The following COL4A1 variants were observed in gnomAD, a reference collection of about 807,000 sequenced individuals.
COL4A1 encodes the protein collagen type IV alpha 1 chain.
Under a neutral mutation model 216.6 loss-of-function variants are expected in COL4A1, and 40 were observed. The observed-to-expected ratio is 0.18, with a 90% CI of 0.14 to 0.24. The LOEUF (loss-of-function observed/expected upper bound fraction) is 0.24, where lower values mean the gene tolerates loss of function less well. Among genes scored for constraint, COL4A1 ranks in the 10% least tolerant of loss-of-function variants. COL4A1 has a pLI of 1.00. For missense variants in COL4A1, 1,628 were observed against 2,196.8 expected, an observed-to-expected ratio of 0.74 and a Z score of 5.18; for synonymous variants, 839 against 810.7, an observed-to-expected ratio of 1.03 and a Z score of -0.59.
Position 110,212,423 on chromosome 13 carries a change from G to A in COL4A1, c.381C>T (p.Gly127=), listed in dbSNP as rs781575935. The change falls in exon 6 of 52, where the codon GGC becomes GGT. Residue 127 remains glycine, a synonymous_variant. Transcript: ENST00000375820. ...PGPPGIPGCN[G]TKGERGPLGP... ...GTCTCGGTTCTGGATTTACCTTTGT[G>A]CCATTGCATCCTGGAATACCTGGGG... 54 of 1,613,580 alleles carry A rather than the reference G, an allele frequency of 3.3e-5. No individual in the cohort carries two copies. Among genetic ancestry groups the A allele is most frequent in the Non-Finnish European group, 4.6e-5 (54 of 1,180,018 alleles).
intron 43 of COL4A1, among the ~76,000 whole-genome samples, chr13:110,169,274 T>C (rs1877492011): frequency 6.6e-6 from 1 of 152,214 alleles, no homozygotes; most frequent in Non-Finnish European, 1.5e-5. Flanking sequence ...AATTGTTCTC[T>C]GCAAAACAAC....
intron 43 of COL4A1, among the ~76,000 whole-genome samples, chr13:110,169,054 C>T (rs1272424361): frequency 6.6e-6 from 1 of 152,152 alleles, no homozygotes; most frequent in African/African-American, 2.4e-5. Context: ...CACACACACA[C>T]ACAGAAATAC....
chr13:110,239,508 A>G (rs1291193836), intron 2 of COL4A1, among the ~76,000 whole-genome samples: 1 of 152,256 alleles, frequency 6.6e-6, no homozygotes, highest in Non-Finnish European at 1.5e-5. Flanking sequence ...TTTAAAGAAC[A>G]ACCAATCAAA....
At chr13:110,274,714 C>A (rs7330914) in intron 1 of COL4A1, among the ~76,000 whole-genome samples, 4,994 of 152,194 alleles carry the variant, frequency 0.033, 223 homozygotes, top group East Asian at 0.22. Flanking sequence ...GCACTGATAG[C>A]CACAGTATCC....
At chr13:110,158,015 C>T (rs1471024273) in intron 49 of COL4A1, among the ~76,000 whole-genome samples, 1 of 152,080 alleles carries the variant, frequency 6.6e-6, no homozygotes, top group African/African-American at 2.4e-5. Context: ...CTTTTTCTAC[C>T]TGTTGTGTAA....
In COL4A1 at chr13:110,198,484, C is replaced by G. The variant is rs1407940977; in HGVS notation, c.1268G>C (p.Gly423Ala). 6.2e-7 allele frequency: 1 copy of G among 1,613,294 alleles called. No individual in the cohort carries two copies. The highest frequency in any genetic ancestry group is 8.5e-7 in the Non-Finnish European group (1 of 1,179,522). ...PGPPGSPGPP[G>A]QPGYTNGIVE... ...GAACTCACTTGTGTAGCCAGGCTGC[C>G]CAGGGGGCCCAGGGGAACCAGGAGG... The change falls in exon 21 of 52, where the codon GGG becomes GCG. Residue 423 changes from glycine (G) to alanine (A), a missense_variant. Gly to Ala is a moderately conservative substitution (Grantham distance 60). This residue lies in a region of COL4A1 where 701 missense variants were observed against 892.5 expected (regional missense o/e 0.79). Transcript: ENST00000375820.
chr13:110,166,696 C>T (rs1401164377), intron 44 of COL4A1, among the ~76,000 whole-genome samples: 1 of 152,156 alleles, frequency 6.6e-6, no homozygotes, highest in Non-Finnish European at 1.5e-5. Context: ...AATGATCCAA[C>T]TAGTGGAGGG....
intron 51 of COL4A1, among the ~76,000 whole-genome samples, chr13:110,151,038 A>G (rs1876477068): frequency 6.6e-6 from 1 of 152,226 alleles, no homozygotes; most frequent in African/African-American, 2.4e-5. Flanking sequence ...GTGTTTCTCA[A>G]GCTTAGAAAC....
At chr13:110,182,624 C>A (rs1594556483) in intron 28 of COL4A1, among the ~76,000 whole-genome samples, 1 of 152,342 alleles carries the variant, frequency 6.6e-6, no homozygotes, top group Non-Finnish European at 1.5e-5. Context: ...CCCTGCGACT[C>A]CTTGCACCTC....
At chr13:110,193,138 G>A (rs1298685819) in intron 22 of COL4A1, among the ~76,000 whole-genome samples, 6 of 152,206 alleles carry the variant, frequency 3.9e-5, no homozygotes, top group Non-Finnish European at 5.9e-5. Context: ...CCCCCAGCAC[G>A]CGTCACGTGT....
intron 2 of COL4A1, among the ~76,000 whole-genome samples, chr13:110,221,649 G>A (rs1365560525): frequency 6.6e-6 from 1 of 152,210 alleles, no homozygotes; most frequent in Non-Finnish European, 1.5e-5. Context: ...CAGTAAAGCT[G>A]TGAGCAGCAG....
rs1594535896 is a variant in COL4A1, at chr13:110,161,521, TG to T, written c.4463-153del. On this transcript the variant is annotated intron_variant, in intron 48 of 51. Coordinates refer to ENST00000375820, the MANE Select transcript of COL4A1 (RefSeq NM_001845.6). ...TATAAAGGATTATGTAGGACATTTT[TG>T]ATGAAAGGAAACAAAACCAGTTTAC... The T allele has an allele frequency of 5.9e-6, 6 of 1,017,414 alleles. No homozygotes were observed. In the East Asian group the frequency reaches 1.6e-4, roughly 27 times the overall value. 63.0% of individuals were successfully genotyped at this position (1,017,414 alleles called of 1,614,324 possible). A position where few individuals can be genotyped will look rare whatever the true frequency, so the allele number is the denominator to read the frequency against.
intron 1 of COL4A1, among the ~76,000 whole-genome samples, chr13:110,295,925 G>A (rs537518998): frequency 3.3e-5 from 5 of 152,318 alleles, no homozygotes; most frequent in East Asian, 1.9e-4. Context: ...GCTTTCTAGC[G>A]GGGAGTGAGC....
Position 110,207,614 on chromosome 13 carries a change from T to C in COL4A1, c.694-125A>G. 1.4e-6 allele frequency: 1 copy of C among 736,142 alleles called. No homozygotes were observed. Among genetic ancestry groups the C allele is most frequent in the Admixed American group, 2.4e-5 (1 of 41,462 alleles). The allele number at this position is 736,142 out of a possible 1,614,324, so 45.6% of individuals were successfully genotyped here. A position where few individuals can be genotyped will look rare whatever the true frequency, so the allele number is the denominator to read the frequency against. On this transcript the variant is annotated intron_variant, in intron 12 of 51. Transcript: ENST00000375820. The surrounding 1 kb of genome is among the most constrained non-coding windows in gnomAD (Gnocchi z 4.4). Reference sequence around the variant, plus strand: ...TTTAAAATGTAATTATACTCTATTCTGTTCTAATCATCCTTGCCTCTGCAG... The same window carrying C: ...TTTAAAATGTAATTATACTCTATTCCGTTCTAATCATCCTTGCCTCTGCAG...
At chr13:110,177,451 T>A (rs887138350) in intron 33 of COL4A1, among the ~76,000 whole-genome samples, 2 of 152,222 alleles carry the variant, frequency 1.3e-5, no homozygotes, top group African/African-American at 4.8e-5. Flanking sequence ...GTAAAAGACA[T>A]TATTTTGGAA....
rs200260893 is a variant in COL4A1, at chr13:110,214,093, CTA to C, written c.145-80_145-79del. On this transcript the variant is annotated intron_variant, in intron 2 of 51. Coordinates refer to ENST00000375820, the MANE Select transcript of COL4A1 (RefSeq NM_001845.6). Reference sequence around the variant, plus strand: ...AGGAATTGGTGACCAACTGTGATGGCTATATATATATTTTTTTTGAGATGGAG... The same window carrying C: ...AGGAATTGGTGACCAACTGTGATGGCTATATATATTTTTTTTGAGATGGAG... 31 of 1,131,390 alleles carry C rather than the reference CTA, an allele frequency of 2.7e-5. No homozygotes were observed. In the East Asian group the frequency reaches 3.3e-4, roughly 12 times the overall value. The allele number at this position is 1,131,390 out of a possible 1,614,324, so 70.1% of individuals were successfully genotyped here. A position where few individuals can be genotyped will look rare whatever the true frequency, so the allele number is the denominator to read the frequency against.
chr13:110,228,915 T>C (rs1880879011), intron 2 of COL4A1, among the ~76,000 whole-genome samples: 2 of 152,002 alleles, frequency 1.3e-5, no homozygotes, highest in Admixed American at 6.5e-5. Flanking sequence ...GTGAGGAAAA[T>C]GTAACAAAAT....
chr13:110,287,221 T>G (rs531245470), intron 1 of COL4A1, among the ~76,000 whole-genome samples: 1 of 152,306 alleles, frequency 6.6e-6, no homozygotes, highest in East Asian at 1.9e-4. Flanking sequence ...CCTCATTTGC[T>G]CTTATTCAGC....
At chr13:110,188,010 T>C (rs750314877) in intron 24 of COL4A1, among the ~76,000 whole-genome samples, 9 of 152,176 alleles carry the variant, frequency 5.9e-5, no homozygotes, top group Non-Finnish European at 8.8e-5. Flanking sequence ...CAGAGTCAAA[T>C]TGACTTTCCC....
Sources: gnomAD v4.1 joint callset for allele counts (sites outside exome capture counted in the v4.1 genomes callset) on GRCh38, gnomAD v4.1.1 for gene constraint, gnomAD v4.1.1 regional missense constraint, Gnocchi (gnomAD v3.1) non-coding constraint, MANE v1.5 for transcripts, NCBI Gene and HGNC (gene_info 2026-07-23, HGNC 2026-07-21) for gene names.